Variants in MAML2 observed in about 807,000 individuals in gnomAD.
MAML2 encodes the protein mastermind-like protein 2.
In MAML2, 22 loss-of-function variants were observed where a neutral mutation model predicts 96.1. That is an observed-to-expected ratio of 0.23 (90% CI 0.16 to 0.33). MAML2 has a LOEUF of 0.33. MAML2 is among the 10% of genes least tolerant of loss of function. The pLI is 1.00. For synonymous variants in MAML2, 561 were observed against 521.3 expected (o/e 1.08, Z -1.04); for missense variants, 1,367 against 1,392.4 (o/e 0.98, Z 0.29).
At chr11:96,324,401 G>C (rs143811878) in intron 1 of MAML2, among the ~76,000 whole-genome samples, 250 of 152,204 alleles carry the variant, frequency 1.6e-3, no homozygotes, top group African/African-American at 5.8e-3. Flanking sequence ...TTAATGTGTT[G>C]AACCAAAAGG....
chr11:95,995,425 A>G (rs1372822014), intron 2 of MAML2, among the ~76,000 whole-genome samples: 4 of 152,090 alleles, frequency 2.6e-5, no homozygotes, highest in African/African-American at 9.7e-5. Flanking sequence ...TTAACATCCA[A>G]TTATTTATGC....
chr11:96,017,188 G>T (rs1305593588), intron 2 of MAML2, among the ~76,000 whole-genome samples: 1 of 152,176 alleles, frequency 6.6e-6, no homozygotes, highest in Non-Finnish European at 1.5e-5. Flanking sequence ...GGAAAATGAG[G>T]CTTAGACAAG....
At chr11:96,138,153 C>G (rs1476715343) in intron 1 of MAML2, among the ~76,000 whole-genome samples, 1 of 152,132 alleles carries the variant, frequency 6.6e-6, no homozygotes, top group Non-Finnish European at 1.5e-5. Flanking sequence ...CTTTTGTAAT[C>G]AAAGATTTGA....
chr11:96,231,268 C>A (rs1424999033), intron 1 of MAML2, among the ~76,000 whole-genome samples: 2 of 145,448 alleles, frequency 1.4e-5, no homozygotes, highest in African/African-American at 5.3e-5. Context: ...GTTTTACACA[C>A]CTGTCTTTTA....
chr11:96,032,022 C>G (rs540102640), intron 2 of MAML2, among the ~76,000 whole-genome samples: 12 of 151,962 alleles, frequency 7.9e-5, no homozygotes, highest in Admixed American at 2.0e-4. Flanking sequence ...AAAAATTACC[C>G]GTATCTTTGT....
intron 1 of MAML2, among the ~76,000 whole-genome samples, chr11:96,108,431 A>C (rs1050852993): frequency 6.6e-6 from 1 of 152,234 alleles, no homozygotes; most frequent in African/African-American, 2.4e-5. Flanking sequence ...GTGACTACTT[A>C]ATAGAAGACA....
At chr11:95,991,303 A>G (rs1235129394) in intron 3 of MAML2, among the ~76,000 whole-genome samples, 2 of 151,742 alleles carry the variant, frequency 1.3e-5, no homozygotes, top group East Asian at 3.9e-4. Context: ...TGGTTAGCAG[A>G]GGTGCCATGC....
rs78007630 is a variant in MAML2, at chr11:96,311,086, A to G, written c.513+30297T>C. Among the ~76,000 whole-genome samples, 585 of 152,326 alleles carry G rather than the reference A, an allele frequency of 3.8e-3. 6 individuals carry two copies. Among genetic ancestry groups the G allele is most frequent in the African/African-American group, 0.013 (557 of 41,582 alleles). ...ATCACCCCATTTCATACATAAGGAC[A>G]TTGTAACTCAGAGAGGTGAGGGAAT... On this transcript the variant is annotated intron_variant, in intron 1 of 4. Transcript: ENST00000524717.
chr11:96,224,758 C>A (rs776808637), intron 1 of MAML2, among the ~76,000 whole-genome samples: 1 of 152,178 alleles, frequency 6.6e-6, no homozygotes, highest in Non-Finnish European at 1.5e-5. Flanking sequence ...AAAGTAGATG[C>A]ACATAATGTT....
chr11:95,993,134 T>C (rs1857939143), intron 2 of MAML2, among the ~76,000 whole-genome samples: 1 of 150,514 alleles, frequency 6.6e-6, no homozygotes, highest in Admixed American at 6.6e-5. Flanking sequence ...GGTCTCAAAG[T>C]CAAGGGCTCA....
At chr11:96,286,806 C>G (rs998388039) in intron 1 of MAML2, among the ~76,000 whole-genome samples, 9 of 152,238 alleles carry the variant, frequency 5.9e-5, no homozygotes, top group African/African-American at 2.2e-4. Context: ...GCTTCCTCAT[C>G]TAACCTGTTT....
chr11:96,018,837 C>T (rs1163487261), intron 2 of MAML2, among the ~76,000 whole-genome samples: 1 of 152,168 alleles, frequency 6.6e-6, no homozygotes, highest in Non-Finnish European at 1.5e-5. Flanking sequence ...GATATGCCTG[C>T]CTCCACCTCC....
At position 96,093,473 on chromosome 11, in the gene MAML2, A is replaced by G. The variant is rs758925158; in HGVS notation, c.558T>C (p.Pro186=). 1.9e-6 allele frequency: 3 copies of G among 1,613,776 alleles called. No homozygotes were observed. The South Asian group carries it at 3.3e-5, about 18-fold the overall frequency. Residue 186 remains proline, a synonymous_variant, in exon 2 of 5, where the codon CCT becomes CCC. Transcript: ENST00000524717. ...AGCCATTGGGTCGCTTGCTGTTGGC[A>G]GGAGATAGGTTAACTACCTGTTTTC... ...LKRKQVVNLS[P]ANSKRPNGFV...
chr11:96,299,894 A>G (rs1863363790), intron 1 of MAML2, among the ~76,000 whole-genome samples: 1 of 152,160 alleles, frequency 6.6e-6, no homozygotes, highest in Admixed American at 6.5e-5. Context: ...AACCAAAACA[A>G]TGGGGAAAAG....
intron 1 of MAML2, among the ~76,000 whole-genome samples, chr11:96,192,795 T>C (rs991032452): frequency 1.3e-5 from 2 of 152,208 alleles, no homozygotes; most frequent in East Asian, 3.9e-4. Context: ...TTGGGACATA[T>C]GCCAGCATGA....
At chr11:96,149,702 C>A (rs1217963528) in intron 1 of MAML2, among the ~76,000 whole-genome samples, 2 of 152,162 alleles carry the variant, frequency 1.3e-5, no homozygotes, top group Non-Finnish European at 2.9e-5. Flanking sequence ...CCACTGCACT[C>A]CAGCCCAGGC....
At chr11:96,090,373 G>A (rs1859684042) in intron 2 of MAML2, among the ~76,000 whole-genome samples, 1 of 152,098 alleles carries the variant, frequency 6.6e-6, no homozygotes, top group African/African-American at 2.4e-5. Context: ...TCTGGACTGA[G>A]AATTACCTCA....
chr11:96,111,285 T>C (rs2135832599), intron 1 of MAML2, among the ~76,000 whole-genome samples: 1 of 152,354 alleles, frequency 6.6e-6, no homozygotes, highest in East Asian at 1.9e-4. Context: ...TCCTCCTTTT[T>C]ATTATTTTTG....
intron 2 of MAML2, among the ~76,000 whole-genome samples, chr11:96,077,320 A>G (rs931296250): frequency 5.5e-5 from 8 of 145,386 alleles, no homozygotes; most frequent in African/African-American, 2.0e-4. Context: ...TTCTGGGTTC[A>G]AGTGATTTTC....
Sources: allele counts gnomAD v4.1 joint callset (sites outside exome capture counted in the v4.1 genomes callset), GRCh38; gene constraint gnomAD v4.1.1; transcripts MANE v1.5; gene names NCBI Gene and HGNC (gene_info 2026-07-23, HGNC 2026-07-21).